RTTN: variants seen among roughly 807,000 people sequenced by gnomAD.
RTTN encodes rotatin.
In RTTN, 182 loss-of-function variants were observed where a neutral mutation model predicts 269.2. That is an observed-to-expected ratio of 0.68 (90% CI 0.60 to 0.76). The LOEUF (loss-of-function observed/expected upper bound fraction) is 0.76, where lower values mean the gene tolerates loss of function less well. Ranked by LOEUF, RTTN falls within the 30% of genes least tolerant of loss-of-function variation. The pLI is 0.00. For missense variants in RTTN, 2,545 were observed against 2,608.6 expected (o/e 0.98, Z 0.53); for synonymous variants, 1,006 against 963.5 (o/e 1.04, Z -0.82).
Position 70,036,812 on chromosome 18 carries a change from C to A in RTTN, c.5542-5831G>T, listed in dbSNP as rs143195534. Among the ~76,000 whole-genome samples the A allele has an allele frequency of 2.0e-5, 3 of 152,228 alleles. No homozygotes were observed. In the East Asian group the frequency reaches 5.8e-4, roughly 29 times the overall value. On this transcript the variant is annotated intron_variant, in intron 40 of 48. Transcript: ENST00000640769. ...CAACTATATGCACACAGAAAAGCACCGTCACGAGAACCAAAAATCAGGTGA... is the reference window on the plus strand; with the variant it reads ...CAACTATATGCACACAGAAAAGCACAGTCACGAGAACCAAAAATCAGGTGA...
At chr18:70,091,118 G>A (rs1057251189) in intron 30 of RTTN, among the ~76,000 whole-genome samples, 10 of 152,174 alleles carry the variant, frequency 6.6e-5, no homozygotes, top group African/African-American at 2.2e-4. Context: ...TTACCCAGAT[G>A]TGGTTTAAAT....
rs1046369037 is a variant in RTTN, at chr18:70,193,458, G to T, written c.842-5C>A. On this transcript the variant is annotated splice_region_variant and splice_polypyrimidine_tract_variant and intron_variant, in intron 7 of 48. Coordinates refer to ENST00000640769, the MANE Select transcript of RTTN (RefSeq NM_173630.4). ...AAGAATTTTGGGAAACTGTGTCTGG[G>T]GAAACAAAGAAAAAATAAAATTATT... 1.3e-6 allele frequency: 2 copies of T among 1,488,750 alleles called. No individual in the cohort carries two copies. Among genetic ancestry groups the T allele is most frequent in the Non-Finnish European group, 1.8e-6 (2 of 1,117,840 alleles). The allele number at this position is 1,488,750 out of a possible 1,614,324, so 92.2% of individuals were successfully genotyped here. A position where few individuals can be genotyped will look rare whatever the true frequency, so the allele number is the denominator to read the frequency against.
intron 25 of RTTN, among the ~76,000 whole-genome samples, chr18:70,124,427 C>A (rs2059812774): frequency 6.6e-6 from 1 of 151,948 alleles, no homozygotes; most frequent in African/African-American, 2.4e-5. Context: ...GCAGGAAAGC[C>A]ACATGACAAT....
In RTTN at chr18:70,060,030, C is replaced by T. The variant is rs927887115; in HGVS notation, c.4760G>A (p.Ser1587Asn). Reference protein sequence around the residue: ...DQFVAQGHQESTSPRPPHDSS... With the variant: ...DQFVAQGHQENTSPRPPHDSS... ...ATCATGAGGTGGCCGTGGTGATGTA[C>T]TTTCCTGGTGACCTATTATTGAAAA... is the stretch of plus-strand genomic sequence containing the variant. Residue 1587 changes from serine (S) to asparagine (N), a missense_variant, in exon 36 of 49, where the codon AGT becomes AAT. Coordinates refer to ENST00000640769, the MANE Select transcript of RTTN (RefSeq NM_173630.4). 1 of 1,610,284 alleles carries T rather than the reference C, an allele frequency of 6.2e-7. No individual in the cohort carries two copies. Among genetic ancestry groups the T allele is most frequent in the African/African-American group, 1.3e-5 (1 of 74,846 alleles).
At chr18:70,161,439 T>G (rs1285844337) in intron 14 of RTTN, among the ~76,000 whole-genome samples, 1 of 152,192 alleles carries the variant, frequency 6.6e-6, no homozygotes, top group East Asian at 1.9e-4. Context: ...TATTTCATGA[T>G]GAAGTCTCCA....
intron 33 of RTTN, among the ~76,000 whole-genome samples, 190 bp from the exon 34 acceptor site, chr18:70,074,184 A>G (rs574361362): frequency 3.9e-5 from 6 of 152,070 alleles, no homozygotes; most frequent in East Asian, 1.9e-4. Flanking sequence ...TAATGTGCAT[A>G]AGAATCACTG....
Position 70,176,705 on chromosome 18 carries a change from T to C in RTTN, c.1446A>G (p.Arg482=). The change falls in exon 11 of 49, where the codon CGA becomes CGG. Residue 482 remains arginine, a synonymous_variant. Coordinates refer to ENST00000640769, the MANE Select transcript of RTTN (RefSeq NM_173630.4). ...CAACAGGGAGAAGCGTTTGTAGCAGTCGAACTGCAAACAGGGAAATGCTGA... is the reference window on the plus strand; with the variant it reads ...CAACAGGGAGAAGCGTTTGTAGCAGCCGAACTGCAAACAGGGAAATGCTGA... ...AFISISLFAV[R]LLQTLLPVEK... The C allele has an allele frequency of 1.2e-6, 2 of 1,613,894 alleles. No individual in the cohort carries two copies. Among genetic ancestry groups the C allele is most frequent in the Non-Finnish European group, 1.7e-6 (2 of 1,179,860 alleles).
chr18:70,085,826 G>A (rs1038502200), intron 32 of RTTN, among the ~76,000 whole-genome samples: 10 of 152,142 alleles, frequency 6.6e-5, no homozygotes, highest in Non-Finnish European at 1.3e-4. Flanking sequence ...CTCCCAAGGA[G>A]GGAGTGGGGG....
chr18:70,055,934 G>A (rs1303662078), intron 37 of RTTN, among the ~76,000 whole-genome samples: 2 of 152,078 alleles, frequency 1.3e-5, no homozygotes, highest in African/African-American at 4.8e-5. Flanking sequence ...TCTGCCGCAG[G>A]CACTCGCAGC....
At chr18:70,162,946 T>G (rs1227070264) in intron 14 of RTTN, among the ~76,000 whole-genome samples, 4 of 133,170 alleles carry the variant, frequency 3.0e-5, no homozygotes, top group African/African-American at 1.1e-4. Context: ...AACAAGTCAG[T>G]TAAAGAAAGC....
At chr18:70,174,392 G>C (rs2061232727) in intron 11 of RTTN, among the ~76,000 whole-genome samples, 1 of 151,806 alleles carries the variant, frequency 6.6e-6, no homozygotes, top group Non-Finnish European at 1.5e-5. Flanking sequence ...CCATTCTTTA[G>C]TTAAAAACAA....
At position 70,205,176 on chromosome 18, in the gene RTTN, G is replaced by C. The variant is rs779948763; in HGVS notation, c.171C>G (p.Ser57=). ...TCAGAACCTCTTCCTTCATCGGAAC[G>C]GACGGGAAATTGAACCATTCCAGCA... is the stretch of plus-strand genomic sequence containing the variant. ...LHLLEWFNFP[S]VPMKEEVLNL... Residue 57 remains serine (S), a synonymous_variant, in exon 2 of 49, where the codon TCC becomes TCG. Coordinates refer to ENST00000640769, the MANE Select transcript of RTTN (RefSeq NM_173630.4). 1.2e-6 allele frequency: 2 copies of C among 1,614,064 alleles called. No homozygotes were observed. The highest frequency in any genetic ancestry group is 3.3e-4 in the Middle Eastern group (2 of 6,084).
chr18:70,185,758 C>T (rs926595081), intron 10 of RTTN, among the ~76,000 whole-genome samples: 2 of 151,562 alleles, frequency 1.3e-5, no homozygotes, highest in African/African-American at 4.8e-5. Flanking sequence ...ATAGAAAATC[C>T]TAAGGGATCT....
chr18:70,079,512 T>C (rs1294747904), intron 32 of RTTN, among the ~76,000 whole-genome samples: 3 of 152,050 alleles, frequency 2.0e-5, no homozygotes, highest in Non-Finnish European at 4.4e-5. Context: ...CACTAGGCTC[T>C]GCTCCATACA....
At chr18:70,179,764 T>C (rs2061379540) in intron 10 of RTTN, among the ~76,000 whole-genome samples, 1 of 152,232 alleles carries the variant, frequency 6.6e-6, no homozygotes, top group Non-Finnish European at 1.5e-5. Flanking sequence ...TTGTGGATTC[T>C]ACAAGGCACC....
chr18:70,121,487 T>C lies in RTTN; in HGVS notation c.3528+69A>G, dbSNP rs900890602. 6.3e-6 allele frequency: 8 copies of C among 1,269,452 alleles called. No individual in the cohort carries two copies. The African/African-American group carries it at 1.2e-4, about 19-fold the overall frequency. 78.6% of individuals were successfully genotyped at this position (1,269,452 alleles called of 1,614,324 possible). On this transcript the variant is annotated intron_variant, in intron 26 of 48. Coordinates refer to ENST00000640769, the MANE Select transcript of RTTN (RefSeq NM_173630.4). ...TATAAAATTATCCTTTTCCATAATATAATGTTAATGATTTCTACAAATAAG... is the reference window on the plus strand; with the variant it reads ...TATAAAATTATCCTTTTCCATAATACAATGTTAATGATTTCTACAAATAAG...
chr18:70,099,818 T>C (rs1599538017), intron 28 of RTTN, among the ~76,000 whole-genome samples: 1 of 152,224 alleles, frequency 6.6e-6, no homozygotes. Context: ...GTTTTCCCAG[T>C]ACCATTTACT....
At chr18:70,071,324 T>C (rs377112380) in intron 34 of RTTN, among the ~76,000 whole-genome samples, 4 of 152,192 alleles carry the variant, frequency 2.6e-5, no homozygotes, top group African/African-American at 9.7e-5. Context: ...AAAGATCACA[T>C]ATTTCACAAA....
chr18:70,166,457 T>C (rs750161394), intron 13 of RTTN: 2 of 262,332 alleles, frequency 7.6e-6, no homozygotes, highest in Non-Finnish European at 1.4e-5. Context: ...ATTTATTCTT[T>C]CCAAAAGCAA....
Sources: allele counts gnomAD v4.1 joint callset (sites outside exome capture counted in the v4.1 genomes callset), GRCh38; gene constraint gnomAD v4.1.1; transcripts MANE v1.5; gene names NCBI Gene and HGNC (gene_info 2026-07-23, HGNC 2026-07-21).